Variants in TUSC3 observed in about 807,000 individuals in gnomAD.
The protein encoded by TUSC3 is tumor suppressor candidate 3.
A neutral mutation model predicts 44.8 loss-of-function variants in TUSC3; 45 were observed. The ratio of observed to expected loss-of-function variants is 1.00; its 90% CI spans 0.79 to 1.29. TUSC3 has a LOEUF of 1.29. Ranked by LOEUF, TUSC3 falls within the 50% of genes most tolerant of loss-of-function variation. The pLI is 0.00. For missense variants in TUSC3, 519 were observed against 437.9 expected (o/e 1.19, Z -1.65); for synonymous variants, 212 against 152.9 (o/e 1.39, Z -2.85).
chr8:15,693,030 C>T (rs1313308747), intron 6 of TUSC3, among the ~76,000 whole-genome samples: 1 of 152,186 alleles, frequency 6.6e-6, no homozygotes, highest in Non-Finnish European at 1.5e-5. Context: ...CATCTCTTCA[C>T]ATTGAGCCTA....
At chr8:15,597,661 T>A (rs767916990) in intron 1 of TUSC3, among the ~76,000 whole-genome samples, 3 of 152,114 alleles carry the variant, frequency 2.0e-5, no homozygotes, top group Non-Finnish European at 4.4e-5. Context: ...CACATTGATA[T>A]TAGATTGACA....
chr8:15,433,972 C>T (rs1799912646), intron 1 of TUSC3, among the ~76,000 whole-genome samples: 1 of 151,994 alleles, frequency 6.6e-6, no homozygotes, highest in African/African-American at 2.4e-5. Context: ...GGACGGTAAA[C>T]AAATAAAAGT....
the TUSC3 span, among the ~76,000 whole-genome samples, chr8:15,784,156 A>T: frequency 6.6e-6 from 1 of 152,126 alleles, no homozygotes; most frequent in Non-Finnish European, 1.5e-5. Context: ...ACGACCTCAC[A>T]ACCATTAGAT....
the TUSC3 span, among the ~76,000 whole-genome samples, chr8:15,848,011 A>G: frequency 6.6e-6 from 1 of 152,146 alleles, no homozygotes; most frequent in Non-Finnish European, 1.5e-5. Flanking sequence ...CATGCAATAC[A>G]TATTTATTCT....
At chr8:15,760,786 A>C (rs895427135) in intron 10 of TUSC3, among the ~76,000 whole-genome samples, 4 of 152,142 alleles carry the variant, frequency 2.6e-5, no homozygotes, top group Admixed American at 2.6e-4. Flanking sequence ...CTTTACAGAA[A>C]ATGTGCTAAC....
At chr8:15,679,820 A>T (rs1476756515) in intron 6 of TUSC3, among the ~76,000 whole-genome samples, 1 of 151,962 alleles carries the variant, frequency 6.6e-6, no homozygotes, top group Non-Finnish European at 1.5e-5. Flanking sequence ...CTAGCCAGTT[A>T]CTCCAGCACC....
intron 1 of TUSC3, among the ~76,000 whole-genome samples, chr8:15,581,392 C>T (rs1282212134): frequency 6.7e-6 from 1 of 149,876 alleles, no homozygotes; most frequent in Non-Finnish European, 1.5e-5. Flanking sequence ...AGGAGAGGCG[C>T]TCTGCATTTT....
the TUSC3 span, among the ~76,000 whole-genome samples, chr8:15,823,671 A>G: frequency 1.3e-5 from 2 of 152,352 alleles, no homozygotes; most frequent in African/African-American, 4.8e-5. Context: ...ATGTTTGTAC[A>G]TAATTGCAAA....
chr8:15,681,835 T>G (rs1458507307), intron 6 of TUSC3, among the ~76,000 whole-genome samples: 6 of 152,148 alleles, frequency 3.9e-5, no homozygotes, highest in African/African-American at 1.2e-4. Context: ...TTGCTTTTAC[T>G]GTATCCCAAA....
chr8:15,713,854 A>G (rs1398624099), intron 6 of TUSC3, among the ~76,000 whole-genome samples: 1 of 152,150 alleles, frequency 6.6e-6, no homozygotes, highest in African/African-American at 2.4e-5. Context: ...GACTCAATTC[A>G]GCCTCTAACA....
intron 6 of TUSC3, among the ~76,000 whole-genome samples, chr8:15,690,413 T>C (rs1164221468): frequency 3.3e-5 from 5 of 152,142 alleles, no homozygotes; most frequent in Admixed American, 3.3e-4. Context: ...CTTTGTCAAA[T>C]GTATAATTTG....
intron 6 of TUSC3, among the ~76,000 whole-genome samples, chr8:15,715,946 T>C (rs528078082): frequency 1.1e-4 from 17 of 152,224 alleles, no homozygotes; most frequent in African/African-American, 1.4e-4. Context: ...AAATGAGTTT[T>C]GACTGTGCTT....
At chr8:15,723,014 A>G (rs192038966) in intron 6 of TUSC3, among the ~76,000 whole-genome samples, 2 of 152,202 alleles carry the variant, frequency 1.3e-5, no homozygotes, top group Admixed American at 6.6e-5. Context: ...CCACAGACCT[A>G]TTGTGTAGGA....
At chr8:15,565,614 TCTTTAA>T (rs1802637536) in intron 1 of TUSC3, among the ~76,000 whole-genome samples, 1 of 152,210 alleles carries the variant, frequency 6.6e-6, no homozygotes, top group African/African-American at 2.4e-5. Flanking sequence ...GTATCTGTTT[TCTTTAA>T]CTTTGTTTCT....
rs181540182 is a variant in TUSC3, at chr8:15,698,731, T to C, written c.798+24895T>C. On this transcript the variant is annotated intron_variant, in intron 6 of 10. Coordinates refer to ENST00000503731, the MANE Select transcript of TUSC3 (RefSeq NM_006765.4). ...GAAATGTTTTTTACATATTTGACTT[T>C]GATACATCTTCATTATGCTCTTTTA... Among the ~76,000 whole-genome samples, 216 of 152,326 alleles carry C rather than the reference T, an allele frequency of 1.4e-3. 3 individuals are homozygous for C. Among genetic ancestry groups the C allele is most frequent in the African/African-American group, 5.0e-3 (206 of 41,580 alleles).
At chr8:15,609,201 A>AT (rs1336635095) in intron 1 of TUSC3, among the ~76,000 whole-genome samples, 4 of 152,186 alleles carry the variant, frequency 2.6e-5, no homozygotes, top group South Asian at 2.1e-4. Context: ...GTTTTGCCAC[A>AT]TTCTGTTAGT....
chr8:15,503,085 G>T (rs891693982), intron 2 of TUSC3, among the ~76,000 whole-genome samples: 1 of 152,182 alleles, frequency 6.6e-6, no homozygotes, highest in Non-Finnish European at 1.5e-5. Context: ...ATATGCTGAA[G>T]TCTTAAATCC....
intron 10 of TUSC3, among the ~76,000 whole-genome samples, chr8:15,760,154 A>C (rs188921313): frequency 5.9e-5 from 9 of 152,278 alleles, no homozygotes. Context: ...ATTCATTAAT[A>C]GCTAATAACA....
intron 6 of TUSC3, among the ~76,000 whole-genome samples, chr8:15,703,741 G>T (rs757445913): frequency 6.6e-5 from 10 of 152,134 alleles, no homozygotes; most frequent in Admixed American, 2.0e-4. Context: ...AATAGCGGGA[G>T]AACTCATTCA....
Sources: gnomAD v4.1 joint callset for allele counts (sites outside exome capture counted in the v4.1 genomes callset) on GRCh38, gnomAD v4.1.1 for gene constraint, MANE v1.5 for transcripts, NCBI Gene and HGNC (gene_info 2026-07-23, HGNC 2026-07-21) for gene names.